Variants in UTP6 observed in about 807,000 individuals in gnomAD.
UTP6 encodes UTP6 small subunit processome component.
A neutral mutation model predicts 96.5 loss-of-function variants in UTP6; 60 were observed. The observed-to-expected ratio is 0.62, with a 90% CI of 0.51 to 0.77. UTP6 has a LOEUF of 0.77. Ranked by LOEUF, UTP6 falls within the 30% of genes least tolerant of loss-of-function variation. The pLI is 0.00. For synonymous variants in UTP6, 215 were observed against 240.1 expected, an observed-to-expected ratio of 0.90 and a Z score of 0.96; for missense variants, 637 against 706.5, an observed-to-expected ratio of 0.90 and a Z score of 1.12.
intron 2 of UTP6, among the ~76,000 whole-genome samples, chr17:31,898,338 C>G (rs933229914): frequency 1.3e-5 from 2 of 151,940 alleles, no homozygotes; most frequent in Non-Finnish European, 2.9e-5. Context: ...AGTTCAAGAC[C>G]AGCCTGGTCA....
chr17:31,871,090 C>T (rs939707009), intron 16 of UTP6, among the ~76,000 whole-genome samples: 4 of 150,940 alleles, frequency 2.7e-5, no homozygotes, highest in Non-Finnish European at 5.9e-5. Context: ...CCCAGGTTCA[C>T]GCCATGCTCC....
At chr17:31,870,617 G>A (rs1289172143) in intron 16 of UTP6, among the ~76,000 whole-genome samples, 1 of 151,492 alleles carries the variant, frequency 6.6e-6, no homozygotes. Context: ...CGCCTCCCGG[G>A]TTCATGCCAT....
chr17:31,875,297 G>C lies in UTP6; in HGVS notation c.1242C>G (p.Ile414Met), dbSNP rs748597148. ...TMWQLKLQVLIESKSPDIAML... is the reference protein window; with the variant it reads ...TMWQLKLQVLMESKSPDIAML... ...TGGCTATGTCAGGGCTCTTTGACTC[G>C]ATCAGCACCTGCAGCTTCAGCTGCC... Residue 414 changes from isoleucine (I) to methionine (M), a missense_variant, in exon 14 of 19, where the codon ATC (isoleucine) becomes ATG (methionine). By Grantham distance (10) the Ile-to-Met change is conservative. Coordinates refer to ENST00000261708, the MANE Select transcript of UTP6 (RefSeq NM_018428.3). 3 of 1,614,154 alleles carry C rather than the reference G, an allele frequency of 1.9e-6. No homozygotes were observed. Among genetic ancestry groups the C allele is most frequent in the South Asian group, 2.2e-5 (2 of 91,074 alleles).
In UTP6 at chr17:31,878,736, G is replaced by A. The variant is rs185388825; in HGVS notation, c.1013C>T (p.Thr338Ile). 6.2e-7 allele frequency: 1 copy of A among 1,614,116 alleles called. No homozygotes were observed. Among genetic ancestry groups the A allele is most frequent in the Non-Finnish European group, 8.5e-7 (1 of 1,180,018 alleles). Residue 338 changes from threonine (T) to isoleucine (I), a missense_variant, in exon 12 of 19, where the codon ACT (threonine) becomes ATT (isoleucine). By Grantham distance (89) the Thr-to-Ile change is moderately conservative. Coordinates refer to ENST00000261708, the MANE Select transcript of UTP6 (RefSeq NM_018428.3). The stretch of plus-strand genomic sequence containing the variant: ...AAGGAACCCACTATTTGACTTCTTA[G>A]TAAATCTTTCCAAGCAAAAGGTGAT... Reference protein sequence around the residue: ...CYITFCLERFTKKSNSGFLRG... With the variant: ...CYITFCLERFIKKSNSGFLRG...
intron 16 of UTP6, chr17:31,873,078 T>C (rs1448860767): frequency 3.6e-6 from 1 of 280,026 alleles, no homozygotes; most frequent in African/African-American, 2.3e-5. Context: ...TGGTGAAACC[T>C]TGTCTTTAAA....
intron 10 of UTP6, among the ~76,000 whole-genome samples, chr17:31,881,266 A>T: frequency 7.1e-6 from 1 of 140,466 alleles, no homozygotes; most frequent in South Asian, 2.2e-4. Context: ...CCACTTTTTC[A>T]CTTTTTTTTT....
rs1567781069 is a variant in UTP6, at chr17:31,875,309, C to T, written c.1230G>A (p.Leu410=). 1 of 1,614,218 alleles carries T rather than the reference C, an allele frequency of 6.2e-7. No homozygotes were observed. The highest frequency in any genetic ancestry group is 1.7e-5 in the Admixed American group (1 of 60,022). Residue 410 remains leucine, a synonymous_variant, in exon 14 of 19, where the codon CTG becomes CTA. Transcript: ENST00000261708. The part of the protein sequence containing the change: ...RDSGTMWQLK[L]QVLIESKSPD... ...GGCTCTTTGACTCGATCAGCACCTG[C>T]AGCTTCAGCTGCCACATTGTCCCAG...
intron 8 of UTP6, 99 bp downstream of exon 8, chr17:31,887,137 A>G: frequency 8.3e-7 from 1 of 1,206,696 alleles, no homozygotes; most frequent in Non-Finnish European, 1.2e-6. Flanking sequence ...AAAAAGAAAA[A>G]AAAAGAAAAA....
intron 13 of UTP6, among the ~76,000 whole-genome samples, chr17:31,876,830 G>T (rs1910527864): frequency 6.6e-6 from 1 of 151,556 alleles, no homozygotes; most frequent in Non-Finnish European, 1.5e-5. Context: ...TAGCCAACAT[G>T]GTGAAACCTT....
intron 8 of UTP6, among the ~76,000 whole-genome samples, chr17:31,886,299 T>A (rs1464256877): frequency 6.6e-6 from 1 of 152,194 alleles, no homozygotes; most frequent in Non-Finnish European, 1.5e-5. Context: ...AAGGCCTCAC[T>A]CTCCATTTGG....
intron 14 of UTP6, among the ~76,000 whole-genome samples, chr17:31,874,931 TAAAA>T (rs11341659): frequency 2.2e-5 from 3 of 133,944 alleles, no homozygotes; most frequent in Non-Finnish European, 4.8e-5. Flanking sequence ...GACTCCATCT[TAAAA>T]AAAAAAAAAA....
chr17:31,864,208 A>C (rs1359859046), intron 18 of UTP6, among the ~76,000 whole-genome samples: 1 of 152,072 alleles, frequency 6.6e-6, no homozygotes, highest in Non-Finnish European at 1.5e-5. Flanking sequence ...AGCATGGCGA[A>C]ACTCCATCTC....
At position 31,889,421 on chromosome 17, in the gene UTP6, T is replaced by C. The variant is rs746805622; in HGVS notation, c.425-18A>G. On this transcript the variant is annotated intron_variant, in intron 6 of 18. Coordinates refer to ENST00000261708, the MANE Select transcript of UTP6 (RefSeq NM_018428.3). ...CCACAAAGCTGTAAGTGAAAAACCA[T>C]CAGATTTCATTTCAATAAATTAATC... is the stretch of plus-strand genomic sequence containing the variant. The C allele has an allele frequency of 6.4e-7, 1 of 1,570,866 alleles. No homozygotes were observed. The highest frequency in any genetic ancestry group is 2.3e-5 in the East Asian group (1 of 44,148).
At chr17:31,869,707 T>C (rs534687079) in intron 16 of UTP6, among the ~76,000 whole-genome samples, 1 of 152,184 alleles carries the variant, frequency 6.6e-6, no homozygotes, top group East Asian at 1.9e-4. Flanking sequence ...GGAGTACATG[T>C]GCAGGTTTGT....
intron 16 of UTP6, among the ~76,000 whole-genome samples, chr17:31,869,707 T>G (rs534687079): frequency 6.6e-6 from 1 of 152,302 alleles, no homozygotes; most frequent in South Asian, 2.1e-4. Flanking sequence ...GGAGTACATG[T>G]GCAGGTTTGT....
At chr17:31,882,985 G>A (rs1910931840) in intron 10 of UTP6, among the ~76,000 whole-genome samples, 2 of 151,810 alleles carry the variant, frequency 1.3e-5, no homozygotes, top group South Asian at 4.2e-4. Flanking sequence ...AACAGGTCTC[G>A]CCATGTTGCC....
chr17:31,888,934 T>C (rs928689597), intron 7 of UTP6, among the ~76,000 whole-genome samples: 2 of 151,660 alleles, frequency 1.3e-5, no homozygotes, highest in African/African-American at 2.4e-5. Flanking sequence ...TAGCCAGGCA[T>C]GGTGGCAGGC....
At chr17:31,878,146 G>A (rs746516082) in intron 13 of UTP6, 104 bp downstream of exon 13, 16 of 1,114,138 alleles carry the variant, frequency 1.4e-5, no homozygotes, top group Non-Finnish European at 2.1e-5. Flanking sequence ...ACTCCCAAGT[G>A]GCCTTCATCT....
intron 16 of UTP6, chr17:31,873,110 C>T (rs935934737): frequency 2.6e-5 from 8 of 311,542 alleles, no homozygotes; most frequent in Non-Finnish European, 3.0e-5. Flanking sequence ...AAAAATTAGC[C>T]AGGCGTGGTG....
Sources: allele counts gnomAD v4.1 joint callset (sites outside exome capture counted in the v4.1 genomes callset), GRCh38; gene constraint gnomAD v4.1.1; transcripts MANE v1.5; gene names NCBI Gene and HGNC (gene_info 2026-07-23, HGNC 2026-07-21).